The following MACO1 variants were observed in gnomAD, a reference collection of about 807,000 sequenced individuals.
MACO1 encodes macoilin.
In MACO1, 14 loss-of-function variants were observed where a neutral mutation model predicts 78.7. The ratio of observed to expected loss-of-function variants is 0.18; its 90% CI spans 0.12 to 0.28. The LOEUF (loss-of-function observed/expected upper bound fraction) is 0.28, where lower values mean the gene tolerates loss of function less well. Among genes scored for constraint, MACO1 ranks in the 10% least tolerant of loss-of-function variants. The probability of loss-of-function intolerance (pLI) is 1.00; values close to 1 mark genes in which losing one functional copy is unlikely to be tolerated. For synonymous variants in MACO1, 288 were observed against 291.6 expected (o/e 0.99, Z 0.12); for missense variants, 501 against 799.0 (o/e 0.63, Z 4.50).
chr1:25,440,727 C>G (rs903784169), intron 1 of MACO1, among the ~76,000 whole-genome samples: 1 of 146,598 alleles, frequency 6.8e-6, no homozygotes, highest in Non-Finnish European at 1.5e-5. Context: ...AAGATTGCGC[C>G]ATTGCACTCC....
intron 3 of MACO1, among the ~76,000 whole-genome samples, chr1:25,451,063 A>G (rs980912384): frequency 6.6e-6 from 1 of 152,026 alleles, no homozygotes; most frequent in African/African-American, 2.4e-5. Context: ...TAATGTCATA[A>G]AATGCTACTG....
intron 5 of MACO1, among the ~76,000 whole-genome samples, chr1:25,457,304 G>C (rs1420715029): frequency 6.6e-6 from 1 of 151,208 alleles, no homozygotes; most frequent in Non-Finnish European, 1.5e-5. Context: ...TAGAGATGAG[G>C]TCTCACTGTG....
intron 2 of MACO1, among the ~76,000 whole-genome samples, chr1:25,447,469 A>G (rs1179541354): frequency 6.6e-6 from 1 of 152,252 alleles, no homozygotes; most frequent in Non-Finnish European, 1.5e-5. Flanking sequence ...ACATCATAAT[A>G]AGCCCATTAC....
At chr1:25,452,809 G>A (rs2043079156) in intron 3 of MACO1, among the ~76,000 whole-genome samples, 1 of 149,260 alleles carries the variant, frequency 6.7e-6, no homozygotes, top group African/African-American at 2.5e-5. Flanking sequence ...CAATTCCCTT[G>A]CCTCAGCCTC....
intron 6 of MACO1, among the ~76,000 whole-genome samples, chr1:25,464,506 G>A (rs773947880): frequency 6.6e-6 from 1 of 151,346 alleles, no homozygotes; most frequent in Non-Finnish European, 1.5e-5. Flanking sequence ...CATCACACTC[G>A]GCTAATTTTT....
At chr1:25,475,365 C>CA (rs1299348384) in intron 6 of MACO1, among the ~76,000 whole-genome samples, 2 of 151,838 alleles carry the variant, frequency 1.3e-5, no homozygotes, top group African/African-American at 4.8e-5. Context: ...AAACAAAAAA[C>CA]AGGCATTCTC....
chr1:25,474,510 C>T (rs999529773), intron 6 of MACO1, among the ~76,000 whole-genome samples: 7 of 152,152 alleles, frequency 4.6e-5, no homozygotes, highest in African/African-American at 9.7e-5. Context: ...CTTCTGTGCT[C>T]CTAGAAAATA....
intron 3 of MACO1, among the ~76,000 whole-genome samples, chr1:25,452,720 A>G (rs140882885): frequency 0.047 from 6,875 of 146,308 alleles, 528 homozygotes; most frequent in African/African-American, 0.16. Flanking sequence ...TTTTTGAGGC[A>G]GAGTCTCGCT....
chr1:25,493,563 A>T (rs1326138030), intron 10 of MACO1, among the ~76,000 whole-genome samples: 1 of 151,962 alleles, frequency 6.6e-6, no homozygotes, highest in Non-Finnish European at 1.5e-5. Flanking sequence ...TTAATTTATT[A>T]TTCATTTAAA....
chr1:25,466,854 T>G (rs2043224010), intron 6 of MACO1, among the ~76,000 whole-genome samples: 1 of 152,208 alleles, frequency 6.6e-6, no homozygotes, highest in Non-Finnish European at 1.5e-5. Flanking sequence ...GTGCAGTTTT[T>G]GTGTCCTGCT....
At chr1:25,456,956 A>G in intron 5 of MACO1, 125 bp downstream of exon 5, 1 of 928,682 alleles carries the variant, frequency 1.1e-6, no homozygotes, top group Non-Finnish European at 1.5e-6. Context: ...GTTCCTCCTC[A>G]GGGTCATTGT....
intron 8 of MACO1, among the ~76,000 whole-genome samples, chr1:25,488,534 C>T (rs2043455151): frequency 6.6e-6 from 1 of 151,868 alleles, no homozygotes. Flanking sequence ...CACTTTGTCA[C>T]CCAGGCTAAC....
chr1:25,463,276 C>T (rs144998413), intron 6 of MACO1, among the ~76,000 whole-genome samples: 84 of 152,272 alleles, frequency 5.5e-4, no homozygotes, highest in African/African-American at 1.7e-3. Flanking sequence ...CAAGGAAATA[C>T]AGGAGAAAGT....
intron 10 of MACO1, among the ~76,000 whole-genome samples, 177 bp from the exon 11 acceptor site, chr1:25,498,087 C>T (rs1174112957): frequency 1.3e-5 from 2 of 152,160 alleles, no homozygotes; most frequent in South Asian, 4.1e-4. Flanking sequence ...CTGTATATGG[C>T]CCACGACACC....
At chr1:25,465,756 C>G (rs2043214008) in intron 6 of MACO1, among the ~76,000 whole-genome samples, 1 of 152,196 alleles carries the variant, frequency 6.6e-6, no homozygotes, top group Admixed American at 6.5e-5. Flanking sequence ...TCATTATCGA[C>G]CCTCCTTCTA....
intron 8 of MACO1, among the ~76,000 whole-genome samples, chr1:25,487,759 C>G (rs2043447087): frequency 1.3e-5 from 2 of 152,188 alleles, no homozygotes; most frequent in African/African-American, 4.8e-5. Flanking sequence ...TTCACCGCCC[C>G]CTGCTGGACA....
intron 2 of MACO1, among the ~76,000 whole-genome samples, 161 bp downstream of exon 2, chr1:25,447,064 G>A (rs188786963): frequency 2.4e-4 from 36 of 152,302 alleles, no homozygotes; most frequent in African/African-American, 8.2e-4. Context: ...TGATCAAATA[G>A]TTACATTTTC....
At chr1:25,493,933 G>A (rs1026755497) in intron 10 of MACO1, among the ~76,000 whole-genome samples, 2 of 151,860 alleles carry the variant, frequency 1.3e-5, no homozygotes, top group Non-Finnish European at 2.9e-5. Flanking sequence ...GGGTTTCACC[G>A]TGTTAGCCAG....
chr1:25,458,975 G>T, intron 6 of MACO1, 83 bp downstream of exon 6: 1 of 1,487,808 alleles, frequency 6.7e-7, no homozygotes, highest in South Asian at 1.4e-5. Flanking sequence ...GGCCTGTAGG[G>T]ATTGTTTGTA....
Sources: gnomAD v4.1 joint callset for allele counts (sites outside exome capture counted in the v4.1 genomes callset) on GRCh38, gnomAD v4.1.1 for gene constraint, MANE v1.5 for transcripts, NCBI Gene and HGNC (gene_info 2026-07-23, HGNC 2026-07-21) for gene names.